PRKN: variants seen among roughly 807,000 people sequenced by gnomAD.
The protein encoded by PRKN is E3 ubiquitin-protein ligase parkin.
A neutral mutation model predicts 59.5 loss-of-function variants in PRKN; 56 were observed. The observed-to-expected ratio is 0.94, with a 90% confidence interval of 0.76 to 1.18. PRKN has a LOEUF of 1.18. Ranked by LOEUF, PRKN falls within the 50% of genes most tolerant of loss-of-function variation. The pLI, the probability that PRKN is intolerant of heterozygous loss-of-function variation, is 0.00. For missense variants in PRKN, 657 were observed against 596.4 expected (o/e 1.10, Z -1.06); for synonymous variants, 250 against 222.1 (o/e 1.13, Z -1.12).
intron 7 of PRKN, among the ~76,000 whole-genome samples, chr6:161,692,334 G>T (rs1227900270): frequency 2.6e-5 from 4 of 152,130 alleles, no homozygotes; most frequent in Non-Finnish European, 4.4e-5. Context: ...ACTCAAAAAA[G>T]TAAAATTAAA....
intron 5 of PRKN, among the ~76,000 whole-genome samples, chr6:162,016,554 A>G (rs1782941370): frequency 6.6e-6 from 1 of 152,072 alleles, no homozygotes; most frequent in African/African-American, 2.4e-5. Flanking sequence ...TTGATTCCTT[A>G]GTTGGGCCAT....
At position 162,674,044 on chromosome 6, in the gene PRKN, T is replaced by C. The variant is rs144210594; in HGVS notation, c.7+53618A>G. Among the ~76,000 whole-genome samples, 71 of 152,250 alleles carry C rather than the reference T, an allele frequency of 4.7e-4. 2 individuals carry two copies. In the East Asian group the frequency reaches 0.01, roughly 22 times the overall value. The stretch of plus-strand genomic sequence containing the variant: ...GGGTTCTGAGATTGACACCAGCCAA[T>C]CCGTGCACAGTGCTAGTTGCATGGT... On this transcript the variant is annotated intron_variant, in intron 1 of 11. Transcript: ENST00000366898.
At chr6:161,621,579 C>T (rs1335094798) in intron 7 of PRKN, among the ~76,000 whole-genome samples, 4 of 152,154 alleles carry the variant, frequency 2.6e-5, no homozygotes, top group Admixed American at 6.6e-5. Context: ...AAGGGCTGAT[C>T]TTCCCCTTCC....
intron 7 of PRKN, among the ~76,000 whole-genome samples, chr6:161,586,683 C>G (rs954324794): frequency 8.5e-5 from 13 of 152,130 alleles, no homozygotes; most frequent in African/African-American, 3.1e-4. Flanking sequence ...TTCTAGTATT[C>G]ACTAGCTATG....
rs79407057 is a variant in PRKN at position 162,334,537 on chromosome 6, C to G, written c.172-71772G>C. The stretch of plus-strand genomic sequence containing the variant: ...AAGTGCACTGTTGAGAACTCCAGCT[C>G]AGAATATTACTGCTTATTGACAATA... On this transcript the variant is annotated intron_variant, in intron 2 of 11. Coordinates refer to ENST00000366898, the MANE Select transcript of PRKN (RefSeq NM_004562.3). 4.5e-3 allele frequency among the ~76,000 whole-genome samples: 686 copies of G among 152,268 alleles called. 7 individuals are homozygous for G. Among genetic ancestry groups the G allele is most frequent in the African/African-American group, 0.016 (649 of 41,542 alleles).
At chr6:162,694,236 C>CA (rs149337714) in intron 1 of PRKN, among the ~76,000 whole-genome samples, 42,929 of 93,746 alleles carry the variant, frequency 0.46, 9,572 homozygotes, top group Non-Finnish European at 0.51. Context: ...AACAGTGAGA[C>CA]AAAAAAAAAA....
At chr6:162,178,660 A>G (rs748438027) in intron 4 of PRKN, among the ~76,000 whole-genome samples, 6 of 152,180 alleles carry the variant, frequency 3.9e-5, no homozygotes, top group Non-Finnish European at 5.9e-5. Context: ...GTGTGTTCTG[A>G]AGGACTTACA....
intron 7 of PRKN, among the ~76,000 whole-genome samples, chr6:161,728,439 G>A (rs543311727): frequency 2.0e-5 from 3 of 152,212 alleles, no homozygotes; most frequent in South Asian, 2.1e-4. Flanking sequence ...CACCAGACTC[G>A]CACTGCACCT....
intron 1 of PRKN, among the ~76,000 whole-genome samples, chr6:162,477,764 A>G (rs1003025586): frequency 1.3e-5 from 2 of 152,182 alleles, no homozygotes; most frequent in African/African-American, 4.8e-5. Context: ...ATTCTCCTGC[A>G]TAACTGCATG....
At position 161,393,788 on chromosome 6, in the gene PRKN, T is replaced by C. The variant is rs1454574789; in HGVS notation, c.1084-6911A>G. Among the ~76,000 whole-genome samples the C allele has an allele frequency of 1.3e-5, 2 of 152,008 alleles. No homozygotes were observed. Among genetic ancestry groups the C allele is most frequent in the South Asian group, 2.1e-4 (1 of 4,830 alleles). On this transcript the variant is annotated intron_variant, in intron 9 of 11. Transcript: ENST00000366898. This position sits in a 1 kb window ranked among gnomAD's most constrained non-coding sequence, Gnocchi z 4.7. ...ATTTCTTTGTGCCTGTTTTCTATCA[T>C]GGCTGCATCTATTATAAAAGCATTC... is the stretch of plus-strand genomic sequence containing the variant.
intron 4 of PRKN, among the ~76,000 whole-genome samples, chr6:162,094,562 C>G (rs1313451550): frequency 6.6e-6 from 1 of 151,678 alleles, no homozygotes; most frequent in African/African-American, 2.4e-5. Flanking sequence ...TTGGGAGGGC[C>G]CTGACATAGT....
intron 7 of PRKN, among the ~76,000 whole-genome samples, chr6:161,785,560 T>G (rs1790378337): frequency 6.6e-6 from 1 of 152,238 alleles, no homozygotes; most frequent in Non-Finnish European, 1.5e-5. Flanking sequence ...AATGCCTTTA[T>G]GCAAATAATG....
chr6:162,431,623 C>A (rs1204656538), intron 2 of PRKN, among the ~76,000 whole-genome samples: 1 of 152,076 alleles, frequency 6.6e-6, no homozygotes, highest in Non-Finnish European at 1.5e-5. Flanking sequence ...AAGTAAAACT[C>A]ATTTATTTAA....
At chr6:162,301,387 T>C (rs1029655224) in intron 2 of PRKN, among the ~76,000 whole-genome samples, 1 of 152,126 alleles carries the variant, frequency 6.6e-6, no homozygotes, top group African/African-American at 2.4e-5. Flanking sequence ...CCTAAATATA[T>C]GTCTGTTCTT....
intron 5 of PRKN, among the ~76,000 whole-genome samples, chr6:161,985,058 C>T (rs1281568138): frequency 6.6e-6 from 1 of 152,152 alleles, no homozygotes; most frequent in Non-Finnish European, 1.5e-5. Context: ...CCCTGCATTT[C>T]TCTCCCAATT....
At position 162,727,718 on chromosome 6, in the gene PRKN, A is replaced by C. The variant is rs1429303876; in HGVS notation, c.-50T>G. On this transcript the variant is annotated 5_prime_UTR_variant, in exon 1 of 12. Coordinates refer to ENST00000366898, the MANE Select transcript of PRKN (RefSeq NM_004562.3). The stretch of plus-strand genomic sequence containing the variant: ...GGGCCAGGAACAGGCCCATGCGCGC[A>C]GCGGCGCCAGCCGCGCCTCCCACCA... The C allele has an allele frequency of 1.3e-6, 2 of 1,547,736 alleles. No individual in the cohort carries two copies. The highest frequency in any genetic ancestry group is 1.7e-6 in the Non-Finnish European group (2 of 1,144,396).
Position 162,147,027 on chromosome 6 carries a change from G to A in PRKN, c.534+54104C>T, listed in dbSNP as rs186444740. On this transcript the variant is annotated intron_variant, in intron 4 of 11. Coordinates refer to ENST00000366898, the MANE Select transcript of PRKN (RefSeq NM_004562.3). Reference sequence around the variant, plus strand: ...ATTACAGGCCTGAGCTACCGTGCCCGGCCTTTTTTTATTTTGTCTAAAAAG... The same window carrying A: ...ATTACAGGCCTGAGCTACCGTGCCCAGCCTTTTTTTATTTTGTCTAAAAAG... 3.9e-3 allele frequency among the ~76,000 whole-genome samples: 589 copies of A among 149,248 alleles called. 4 individuals carry two copies. The highest frequency in any genetic ancestry group is 0.013 in the African/African-American group (548 of 41,012).
chr6:162,637,565 C>T (rs1442654769), intron 1 of PRKN, among the ~76,000 whole-genome samples: 3 of 152,142 alleles, frequency 2.0e-5, no homozygotes, highest in Admixed American at 6.5e-5. Flanking sequence ...GTCCCATGGA[C>T]ATTCCTTCTA....
chr6:162,289,782 G>C (rs1008713392), intron 2 of PRKN, among the ~76,000 whole-genome samples: 1 of 152,070 alleles, frequency 6.6e-6, no homozygotes, highest in Non-Finnish European at 1.5e-5. Flanking sequence ...TACCTTACTG[G>C]AGGGCAGATA....
Sources: gnomAD v4.1 joint callset for allele counts (sites outside exome capture counted in the v4.1 genomes callset) on GRCh38, gnomAD v4.1.1 for gene constraint, Gnocchi (gnomAD v3.1) non-coding constraint, MANE v1.5 for transcripts, NCBI Gene and HGNC (gene_info 2026-07-23, HGNC 2026-07-21) for gene names.